The following RSRC1 variants were observed in gnomAD, a reference collection of about 807,000 sequenced individuals.
RSRC1 encodes arginine and serine rich coiled-coil 1.
A neutral mutation model predicts 49.1 loss-of-function variants in RSRC1; 39 were observed. That is an observed-to-expected ratio of 0.79 (90% CI 0.61 to 1.04). The LOEUF is 1.04. RSRC1 is among the 50% of genes least tolerant of loss of function. The pLI, the probability that RSRC1 is intolerant of heterozygous loss-of-function variation, is 0.00. For synonymous variants in RSRC1, 143 were observed against 130.8 expected, an observed-to-expected ratio of 1.09 and a Z score of -0.63; for missense variants, 388 against 402.4, an observed-to-expected ratio of 0.96 and a Z score of 0.31.
intron 4 of RSRC1, among the ~76,000 whole-genome samples, chr3:158,279,756 G>A (rs886980176): frequency 1.3e-5 from 2 of 152,200 alleles, no homozygotes; most frequent in Non-Finnish European, 2.9e-5. Context: ...GGTATTTCAA[G>A]CCTCTAGGAC....
chr3:158,425,218 G>A (rs1735341878), intron 6 of RSRC1, among the ~76,000 whole-genome samples: 1 of 152,038 alleles, frequency 6.6e-6, no homozygotes, highest in Non-Finnish European at 1.5e-5. Context: ...TGGGCATTTA[G>A]TGCTATAAAT....
chr3:158,280,180 G>C (rs918166069), intron 4 of RSRC1, among the ~76,000 whole-genome samples: 5 of 152,044 alleles, frequency 3.3e-5, no homozygotes, highest in Admixed American at 6.6e-5. Flanking sequence ...ATTTGGAATG[G>C]TATTCAGATT....
intron 6 of RSRC1, among the ~76,000 whole-genome samples, chr3:158,437,105 T>G (rs950588483): frequency 1.1e-4 from 17 of 151,722 alleles, no homozygotes; most frequent in Admixed American, 1.1e-3. Context: ...TTTTTATAGA[T>G]GTACACACAC....
chr3:158,476,736 G>A (rs896070856), intron 7 of RSRC1, among the ~76,000 whole-genome samples: 5 of 152,086 alleles, frequency 3.3e-5, no homozygotes, highest in Non-Finnish European at 4.4e-5. Flanking sequence ...CCCAGCATTT[G>A]TTCTCCAGCC....
rs572621446 is a variant in RSRC1, at chr3:158,409,369, T to C, written c.584-51566T>C. 2.0e-5 allele frequency among the ~76,000 whole-genome samples: 3 copies of C among 152,214 alleles called. No homozygotes were observed. In the South Asian group the frequency reaches 6.2e-4, roughly 32 times the overall value. On this transcript the variant is annotated intron_variant, in intron 6 of 9. Coordinates refer to ENST00000611884, the MANE Select transcript of RSRC1 (RefSeq NM_001271838.2). ...TAAAGAGTCCAGCAAGTCACAAATA[T>C]AGGTATACACAAAACTTGTTAGAGG... is the stretch of plus-strand genomic sequence containing the variant.
chr3:158,135,434 T>A (rs4680414), intron 3 of RSRC1, among the ~76,000 whole-genome samples: 100,652 of 149,060 alleles, frequency 0.68, 33,939 homozygotes, highest in East Asian at 0.83. Context: ...CACACCCAGC[T>A]ATTTTTTTTT....
chr3:158,136,553 G>GGTCTTATA (rs1427635805), intron 3 of RSRC1, among the ~76,000 whole-genome samples: 1 of 148,516 alleles, frequency 6.7e-6, no homozygotes, highest in Non-Finnish European at 1.5e-5. Flanking sequence ...GTGGCTGTGA[G>GGTCTTATA]GTCTTATAGA....
intron 3 of RSRC1, among the ~76,000 whole-genome samples, chr3:158,167,820 A>G (rs1250524927): frequency 6.6e-6 from 1 of 152,186 alleles, no homozygotes; most frequent in East Asian, 1.9e-4. Context: ...CTTCAAGCAT[A>G]TGGACATAAC....
intron 3 of RSRC1, among the ~76,000 whole-genome samples, chr3:158,140,867 A>G (rs1716701850): frequency 1.3e-5 from 2 of 152,226 alleles, no homozygotes; most frequent in African/African-American, 2.4e-5. Context: ...GTAGTGTTAT[A>G]TAAAGGAAAA....
At chr3:158,170,307 C>CTT (rs11400606) in intron 3 of RSRC1, among the ~76,000 whole-genome samples, 4,415 of 143,140 alleles carry the variant, frequency 0.031, 224 homozygotes, top group African/African-American at 0.11. Context: ...TCTGGTCTGC[C>CTT]TTTTTTTTTT....
intron 3 of RSRC1, among the ~76,000 whole-genome samples, chr3:158,168,962 C>T (rs1174986003): frequency 6.6e-6 from 1 of 152,082 alleles, no homozygotes; most frequent in Non-Finnish European, 1.5e-5. Flanking sequence ...AGTCGCCAGC[C>T]TTCACAAGAT....
chr3:158,510,333 A>G (rs1157261224), intron 7 of RSRC1, among the ~76,000 whole-genome samples: 1 of 152,174 alleles, frequency 6.6e-6, no homozygotes, highest in African/African-American at 2.4e-5. Context: ...ATTAATATGT[A>G]TTACAGATAT....
chr3:158,498,218 A>G (rs1002271947), intron 7 of RSRC1, among the ~76,000 whole-genome samples: 3 of 146,932 alleles, frequency 2.0e-5, no homozygotes, highest in African/African-American at 7.4e-5. Context: ...TGATCATCGC[A>G]TCCATGCCAA....
chr3:158,375,052 G>A (rs923088390), intron 6 of RSRC1, among the ~76,000 whole-genome samples: 1 of 151,648 alleles, frequency 6.6e-6, no homozygotes, highest in Admixed American at 6.6e-5. Flanking sequence ...CTAAGGCCTT[G>A]GAATTTTAAA....
At chr3:158,209,928 A>C (rs1721570039) in intron 4 of RSRC1, among the ~76,000 whole-genome samples, 1 of 152,088 alleles carries the variant, frequency 6.6e-6, no homozygotes, top group Admixed American at 6.6e-5. Flanking sequence ...ACCTTGGCAA[A>C]ATTCCAGTGT....
rs1308052606 is a variant in RSRC1 at position 158,235,186 on chromosome 3, T to G, written c.494+31941T>G. ...GCATAGAGTTGTTTTTATTTAGTTT[T>G]TAAACTAATGAACTCATTAGTTTAA... is the stretch of plus-strand genomic sequence containing the variant. On this transcript the variant is annotated intron_variant, in intron 4 of 9. Coordinates refer to ENST00000611884, the MANE Select transcript of RSRC1 (RefSeq NM_001271838.2). Among the ~76,000 whole-genome samples, 6 of 152,146 alleles carry G rather than the reference T, an allele frequency of 3.9e-5. No homozygotes were observed. In the South Asian group the frequency reaches 1.2e-3, roughly 31 times the overall value.
At chr3:158,275,501 A>T (rs1179118103) in intron 4 of RSRC1, among the ~76,000 whole-genome samples, 1 of 152,220 alleles carries the variant, frequency 6.6e-6, no homozygotes, top group Non-Finnish European at 1.5e-5. Context: ...CACCAGACAA[A>T]TCTACAGAGC....
At chr3:158,251,625 T>C (rs892087959) in intron 4 of RSRC1, among the ~76,000 whole-genome samples, 1 of 152,248 alleles carries the variant, frequency 6.6e-6, no homozygotes, top group Non-Finnish European at 1.5e-5. Flanking sequence ...ATGTTCACTT[T>C]TGGCATGTAG....
intron 5 of RSRC1, among the ~76,000 whole-genome samples, chr3:158,316,163 C>T (rs2108154500): frequency 6.7e-6 from 1 of 150,196 alleles, no homozygotes; most frequent in East Asian, 2.0e-4. Context: ...CAGAGCGAGA[C>T]TCGGTCTCAA....
Sources: gnomAD v4.1 joint callset for allele counts (sites outside exome capture counted in the v4.1 genomes callset) on GRCh38, gnomAD v4.1.1 for gene constraint, MANE v1.5 for transcripts, NCBI Gene and HGNC (gene_info 2026-07-23, HGNC 2026-07-21) for gene names.